CST1: variants seen among roughly 807,000 people sequenced by gnomAD.
CST1 encodes the protein cystatin SN, also known as cystatin-SN.
CST1 carries 19 observed loss-of-function variants against 10.7 expected under a neutral mutation model. That is an observed-to-expected ratio of 1.78 (90% confidence interval 1.24 to 2.61). The LOEUF (loss-of-function observed/expected upper bound fraction) is 2.61. Ranked by LOEUF, CST1 falls within the 30% of genes most tolerant of loss-of-function variation. The pLI is 0.00. For synonymous variants in CST1, 95 were observed against 72.8 expected (o/e 1.31, Z -1.55); for missense variants, 247 against 178.1 (o/e 1.39, Z -2.20).
Position 23,750,826 on chromosome 20 carries a change from G to T in CST1, c.41C>A (p.Thr14Asn), listed in dbSNP as rs1600406901. Reference sequence around the variant, plus strand: ...GCTCCAGGCCAGGGCCACAGCTAGGGTGGCCAGCAGGAGCAGCAGGGTACT... The same window carrying T: ...GCTCCAGGCCAGGGCCACAGCTAGGTTGGCCAGCAGGAGCAGCAGGGTACT... ...YLSTLLLLLA[T>N]LAVALAWSPK... Residue 14 changes from threonine to asparagine, a missense_variant, in exon 1 of 3, where the codon ACC (threonine) becomes AAC (asparagine). Thr to Asn is a moderately conservative substitution (Grantham distance 65). Coordinates refer to ENST00000304749, the MANE Select transcript of CST1 (RefSeq NM_001898.3). 1 of 1,613,772 alleles carries T rather than the reference G, an allele frequency of 6.2e-7. No homozygotes were observed. The highest frequency in any genetic ancestry group is 1.7e-5 in the Admixed American group (1 of 59,964).
intron 2 of CST1, 86 bp from the exon 3 acceptor site, chr20:23,747,985 G>A: frequency 3.0e-6 from 4 of 1,312,684 alleles, no homozygotes; most frequent in Non-Finnish European, 4.4e-6. Context: ...GAGCCTGGGT[G>A]AGGAGGATGG....
In CST1 at chr20:23,747,732, G is replaced by A. The variant is rs1439188196; in HGVS notation, c.*84C>T. ...AGGCACATGGGGAGGCCTCCCGCAGGGTGGGGGCCACCAGTCCAGGGGTGG... is the reference window on the plus strand; with the variant it reads ...AGGCACATGGGGAGGCCTCCCGCAGAGTGGGGGCCACCAGTCCAGGGGTGG... On this transcript the variant is annotated 3_prime_UTR_variant, in exon 3 of 3. Coordinates refer to ENST00000304749, the MANE Select transcript of CST1 (RefSeq NM_001898.3). 13 of 1,377,882 alleles carry A rather than the reference G, an allele frequency of 9.4e-6. No homozygotes were observed. Among genetic ancestry groups the A allele is most frequent in the Non-Finnish European group, 1.2e-5 (12 of 983,608 alleles). 85.4% of individuals were successfully genotyped at this position (1,377,882 alleles called of 1,614,324 possible). A position where few individuals can be genotyped will look rare whatever the true frequency, so the allele number is the denominator to read the frequency against.
rs80263900 is a variant in CST1 at position 23,750,801 on chromosome 20, G to T, written c.66C>A (p.Ser22Arg). The T allele has an allele frequency of 5.1e-5, 83 of 1,614,064 alleles. No individual in the cohort carries two copies. In the African/African-American group the frequency reaches 8.9e-4, roughly 17 times the overall value. The change falls in exon 1 of 3, where the codon AGC becomes AGA. Residue 22 changes from serine to arginine, a missense_variant. By Grantham distance (110) the Ser-to-Arg change is moderately radical. Coordinates refer to ENST00000304749, the MANE Select transcript of CST1 (RefSeq NM_001898.3). ...GGATTATCCTATCCTCCTCCTTGGGGCTCCAGGCCAGGGCCACAGCTAGGG... is the reference window on the plus strand; with the variant it reads ...GGATTATCCTATCCTCCTCCTTGGGTCTCCAGGCCAGGGCCACAGCTAGGG... ...LATLAVALAW[S>R]PKEEDRIIPG... is the part of the protein sequence containing the mutation.
chr20:23,747,913 G>C lies in CST1; in HGVS notation c.343-14C>G. Reference sequence around the variant, plus strand: ...GCACAACTGTTTCTGTGAAAGGGAAGAGAGAGGGCCAATCAGTGTGGGTTA... The same window carrying C: ...GCACAACTGTTTCTGTGAAAGGGAACAGAGAGGGCCAATCAGTGTGGGTTA... On this transcript the variant is annotated splice_polypyrimidine_tract_variant and intron_variant, in intron 2 of 2. Coordinates refer to ENST00000304749, the MANE Select transcript of CST1 (RefSeq NM_001898.3). 6.2e-7 allele frequency: 1 copy of C among 1,608,716 alleles called. No homozygotes were observed. The highest frequency in any genetic ancestry group is 8.5e-7 in the Non-Finnish European group (1 of 1,175,154).
intron 2 of CST1, among the ~76,000 whole-genome samples, 161 bp downstream of exon 2, chr20:23,748,855 C>A (rs183195751): frequency 6.6e-6 from 1 of 151,780 alleles, no homozygotes. Context: ...TACATGCACA[C>A]CCCCCCATAA....
chr20:23,750,508 C>G, intron 1 of CST1, 131 bp downstream of exon 1: 6 of 878,766 alleles, frequency 6.8e-6, no homozygotes, highest in South Asian at 6.6e-5. Flanking sequence ...CAGCGGAGAG[C>G]CAGGGAAAGC....
chr20:23,748,538 G>A (rs1201048423), intron 2 of CST1, among the ~76,000 whole-genome samples: 1 of 152,104 alleles, frequency 6.6e-6, no homozygotes, highest in African/African-American at 2.4e-5. Context: ...CCAGCACACA[G>A]CCGCACAGCT....
In CST1 at chr20:23,749,785, C is replaced by T. The variant is rs137869967; in HGVS notation, c.229-656G>A. On this transcript the variant is annotated intron_variant, in intron 1 of 2. Transcript: ENST00000304749. ...CTTCTGGGCCTGATGGTCTGCAATG[C>T]CCTGTGCTTCACTCCAAGTTACTGT... 7.3e-3 allele frequency among the ~76,000 whole-genome samples: 1,105 copies of T among 151,178 alleles called. 11 individuals carry two copies. The highest frequency in any genetic ancestry group is 0.025 in the African/African-American group (1,024 of 41,042).
intron 1 of CST1, 98 bp downstream of exon 1, chr20:23,750,541 C>A: frequency 9.2e-7 from 1 of 1,090,258 alleles, no homozygotes; most frequent in Non-Finnish European, 1.4e-6. Flanking sequence ...AGCATTAGAT[C>A]ATGAATGTAT....
At chr20:23,748,753 C>A (rs960527431) in intron 2 of CST1, among the ~76,000 whole-genome samples, 1 of 152,106 alleles carries the variant, frequency 6.6e-6, no homozygotes, top group African/African-American at 2.4e-5. Context: ...ACACCCCCCA[C>A]ACATCCATGC....
In CST1 at chr20:23,749,155, C is replaced by T. The variant is rs375466801; in HGVS notation, c.229-26G>A. 3.8e-5 allele frequency: 61 copies of T among 1,610,090 alleles called. No homozygotes were observed. In the African/African-American group the frequency reaches 5.2e-4, roughly 14 times the overall value. On this transcript the variant is annotated intron_variant, in intron 1 of 2. Coordinates refer to ENST00000304749, the MANE Select transcript of CST1 (RefSeq NM_001898.3). Reference sequence around the variant, plus strand: ...CTGCACACAGGAGAAAACAGGACAGCGCCCCCATCAGTTCATGCACTCACA... The same window carrying T: ...CTGCACACAGGAGAAAACAGGACAGTGCCCCCATCAGTTCATGCACTCACA...
chr20:23,748,041 G>A (rs1430439540), intron 2 of CST1, 142 bp from the exon 3 acceptor site: 20 of 813,408 alleles, frequency 2.5e-5, no homozygotes, highest in Admixed American at 6.4e-5. Context: ...GTCCCAGAGT[G>A]CTGAACTAGA....
chr20:23,749,123 C>G lies in CST1; in HGVS notation c.235G>C (p.Gly79Arg). 1 of 1,614,164 alleles carries G rather than the reference C, an allele frequency of 6.2e-7. No homozygotes were observed. Among genetic ancestry groups the G allele is most frequent in the Non-Finnish European group, 8.5e-7 (1 of 1,180,022 alleles). Residue 79 changes from glycine to arginine, a missense_variant, in exon 2 of 3, where the codon GGG becomes CGG. Physicochemically the swap from Gly to Arg is moderately radical, Grantham distance 125 (BLOSUM62 -2). Coordinates refer to ENST00000304749, the MANE Select transcript of CST1 (RefSeq NM_001898.3). ...RVLRARQQTV[G>R]GVNYFFDVEV... Reference sequence around the variant, plus strand: ...ACGTCGAAGAAGTAATTCACCCCCCCAACGGTCTGCACACAGGAGAAAACA... The same window carrying G: ...ACGTCGAAGAAGTAATTCACCCCCCGAACGGTCTGCACACAGGAGAAAACA...
chr20:23,749,115 C>G lies in CST1; in HGVS notation c.243G>C (p.Val81=). 1 of 1,614,134 alleles carries G rather than the reference C, an allele frequency of 6.2e-7. No individual in the cohort carries two copies. Residue 81 remains valine, a synonymous_variant, in exon 2 of 3, where the codon GTG becomes GTC. Coordinates refer to ENST00000304749, the MANE Select transcript of CST1 (RefSeq NM_001898.3). ...LRARQQTVGG[V]NYFFDVEVGR... is the part of the protein sequence containing the mutation. ...CCACCTCTACGTCGAAGAAGTAATT[C>G]ACCCCCCCAACGGTCTGCACACAGG...
Position 23,750,565 on chromosome 20 carries a change from C to G in CST1, c.228+74G>C, listed in dbSNP as rs975506882. 7.6e-6 allele frequency: 10 copies of G among 1,323,068 alleles called. No individual in the cohort carries two copies. The Admixed American group carries it at 1.7e-4, about 23-fold the overall frequency. 82.0% of individuals were successfully genotyped at this position (1,323,068 alleles called of 1,614,324 possible). A position where few individuals can be genotyped will look rare whatever the true frequency, so the allele number is the denominator to read the frequency against. ...TCATGAATGTATCAGTGTTGATTTG[C>G]TGGGAATGCTCTTGGGGGTTGGGGA... On this transcript the variant is annotated intron_variant, in intron 1 of 2. Coordinates refer to ENST00000304749, the MANE Select transcript of CST1 (RefSeq NM_001898.3).
intron 1 of CST1, 60 bp downstream of exon 1, chr20:23,750,579 G>C: frequency 6.9e-7 from 1 of 1,444,954 alleles, no homozygotes; most frequent in Non-Finnish European, 9.7e-7. Flanking sequence ...GAATGCTCTT[G>C]GGGGTTGGGG....
rs543969659 is a variant in CST1, at chr20:23,749,158, C to T, written c.229-29G>A. ...CACACAGGAGAAAACAGGACAGCGCCCCCATCAGTTCATGCACTCACAGGC... is the reference window on the plus strand; with the variant it reads ...CACACAGGAGAAAACAGGACAGCGCTCCCATCAGTTCATGCACTCACAGGC... On this transcript the variant is annotated intron_variant, in intron 1 of 2. Transcript: ENST00000304749. The T allele has an allele frequency of 1.6e-5, 26 of 1,610,382 alleles. No homozygotes were observed. In the East Asian group the frequency reaches 1.8e-4, roughly 11 times the overall value.
In CST1 at chr20:23,747,829, C is replaced by CA; in HGVS notation, c.412dup (p.Cys138LeufsTer23). On this transcript the variant is annotated frameshift_variant, in exon 3 of 3. Transcript: ENST00000304749. LOFTEE classifies it high-confidence loss of function. ...TGGCACAGATCCCTAGGATTCTTGA[C>CA]ACCTGGATTTCACCAGGGACCTTCT... The CA allele has an allele frequency of 6.2e-7, 1 of 1,613,954 alleles. No homozygotes were observed. Among genetic ancestry groups the CA allele is most frequent in the Non-Finnish European group, 8.5e-7 (1 of 1,179,836 alleles).
chr20:23,749,779 G>C (rs1982778705), intron 1 of CST1, among the ~76,000 whole-genome samples: 1 of 151,218 alleles, frequency 6.6e-6, no homozygotes, highest in South Asian at 2.1e-4. Context: ...CTGATGGTCT[G>C]CAATGCCCTG....
Sources: gnomAD v4.1 joint callset for allele counts (sites outside exome capture counted in the v4.1 genomes callset) on GRCh38, gnomAD v4.1.1 for gene constraint, MANE v1.5 for transcripts, NCBI Gene and HGNC (gene_info 2026-07-23, HGNC 2026-07-21) for gene names.